GRIA3: variants seen among roughly 807,000 people sequenced by gnomAD.
The protein encoded by GRIA3 is glutamate receptor 3.
In GRIA3, 3 loss-of-function variants were observed where a neutral mutation model predicts 63.0. The ratio of observed to expected loss-of-function variants is 0.05; its 90% CI spans 0.02 to 0.12. The LOEUF (loss-of-function observed/expected upper bound fraction) is 0.12, where lower values mean the gene tolerates loss of function less well. Among genes scored for constraint, GRIA3 ranks in the 10% least tolerant of loss-of-function variants. The pLI is 1.00. For synonymous variants in GRIA3, 274 were observed against 257.9 expected (o/e 1.06, Z -0.60); for missense variants, 347 against 700.9 (o/e 0.50, Z 5.70).
intron 4 of GRIA3, among the ~76,000 whole-genome samples, chrX:123,351,339 C>T (rs2045092926): frequency 1.8e-5 from 2 of 111,674 alleles, no homozygotes; most frequent in Non-Finnish European, 3.8e-5. Context: ...AGGGAAAGAT[C>T]AAGAGCAAAA....
intron 2 of GRIA3, among the ~76,000 whole-genome samples, chrX:123,208,164 C>T (rs1254590666): frequency 8.9e-6 from 1 of 112,606 alleles, no homozygotes; most frequent in Non-Finnish European, 1.9e-5. Flanking sequence ...AGTCATTTCC[C>T]TTGCTAAACC....
At chrX:123,356,321 C>T (rs1191577687) in intron 5 of GRIA3, among the ~76,000 whole-genome samples, 1 of 108,764 alleles carries the variant, frequency 9.2e-6, no homozygotes, top group East Asian at 2.9e-4. Flanking sequence ...ATCTCTTTCC[C>T]CTTTCCTTCT....
intron 15 of GRIA3, among the ~76,000 whole-genome samples, chrX:123,484,762 C>T (rs755893475): frequency 4.3e-4 from 48 of 112,759 alleles, no homozygotes; most frequent in Non-Finnish European, 6.9e-4. Context: ...GGATTACAGG[C>T]GTGAGCCACC....
chrX:123,463,611 G>GGAGGGAAAGAAAGAAAGAAAGAAAGAAA (rs2045809428), intron 12 of GRIA3, among the ~76,000 whole-genome samples: 1 of 12,137 alleles, frequency 8.2e-5, no homozygotes, highest in Non-Finnish European at 1.3e-4. Flanking sequence ...AGGGAGGGAG[G>GGAGGGAAAGAAAGAAAGAAAGAAAGAAA]GAAAGAAAGA....
At chrX:123,318,186 A>C (rs989425055) in intron 3 of GRIA3, among the ~76,000 whole-genome samples, 2 of 111,869 alleles carry the variant, frequency 1.8e-5, no homozygotes, top group Non-Finnish European at 3.8e-5. Context: ...TGGCCCACAA[A>C]ACCACTTTTT....
intron 12 of GRIA3, among the ~76,000 whole-genome samples, chrX:123,445,035 C>T (rs1013014435): frequency 9.0e-6 from 1 of 111,700 alleles, no homozygotes; most frequent in African/African-American, 3.3e-5. Context: ...TCTACATCAG[C>T]AGTTGGGCAC....
intron 4 of GRIA3, among the ~76,000 whole-genome samples, chrX:123,350,595 T>G: frequency 8.9e-6 from 1 of 112,346 alleles, no homozygotes; most frequent in Middle Eastern, 4.6e-3. Context: ...ACCAAATGAA[T>G]ATTTTATGAA....
At chrX:123,296,226 C>T (rs2044684707) in intron 3 of GRIA3, among the ~76,000 whole-genome samples, 1 of 110,509 alleles carries the variant, frequency 9.0e-6, no homozygotes, top group Admixed American at 9.7e-5. Context: ...ACAACAAGGT[C>T]GATATAAAGG....
At chrX:123,207,483 C>T (rs764828134) in intron 2 of GRIA3, among the ~76,000 whole-genome samples, 7 of 111,427 alleles carry the variant, frequency 6.3e-5, no homozygotes, top group Non-Finnish European at 1.3e-4. Flanking sequence ...ACAGCCTGGC[C>T]CCAGAGCCTT....
chrX:123,472,684 A>G (rs2045869909), intron 13 of GRIA3, among the ~76,000 whole-genome samples: 1 of 111,390 alleles, frequency 9.0e-6, no homozygotes, highest in African/African-American at 3.3e-5. Flanking sequence ...GAAATACACA[A>G]CCTATGGAAT....
chrX:123,272,003 G>C (rs1418569587), intron 3 of GRIA3, among the ~76,000 whole-genome samples: 1 of 111,743 alleles, frequency 8.9e-6, no homozygotes, highest in Admixed American at 9.5e-5. Flanking sequence ...GAGAAGTTTA[G>C]AATACAAGCA....
At chrX:123,245,317 T>C (rs2044352044) in intron 2 of GRIA3, among the ~76,000 whole-genome samples, 2 of 111,400 alleles carry the variant, frequency 1.8e-5, no homozygotes, top group African/African-American at 6.5e-5. Context: ...GGTGAGGCTG[T>C]TTTATGGGCA....
intron 4 of GRIA3, among the ~76,000 whole-genome samples, chrX:123,343,338 A>C (rs2045021147): frequency 9.0e-6 from 1 of 110,791 alleles, no homozygotes; most frequent in Non-Finnish European, 1.9e-5. Context: ...TAGTCTAAAG[A>C]TCCTTCTTTT....
intron 5 of GRIA3, among the ~76,000 whole-genome samples, chrX:123,366,822 GAGA>G (rs1249355731): frequency 9.0e-6 from 1 of 111,526 alleles, no homozygotes; most frequent in African/African-American, 3.3e-5. Context: ...TTAGAGATAT[GAGA>G]AGGTTTAATT....
chrX:123,453,803 G>T (rs951377005), intron 12 of GRIA3, among the ~76,000 whole-genome samples: 3 of 111,137 alleles, frequency 2.7e-5, no homozygotes, highest in Non-Finnish European at 5.7e-5. Flanking sequence ...CACAGGATGG[G>T]GTGGGGAGGG....
chrX:123,295,741 T>C (rs1034282721), intron 3 of GRIA3, among the ~76,000 whole-genome samples: 1 of 111,045 alleles, frequency 9.0e-6, no homozygotes. Flanking sequence ...GAAACATCTA[T>C]TGTTTCTGAT....
intron 2 of GRIA3, among the ~76,000 whole-genome samples, chrX:123,198,945 G>C (rs1927648143): frequency 8.9e-6 from 1 of 111,920 alleles, no homozygotes. Flanking sequence ...CCTGCACTCA[G>C]ACTAGGAAAA....
chrX:123,280,447 G>T (rs1255708758), intron 3 of GRIA3, among the ~76,000 whole-genome samples: 3 of 111,819 alleles, frequency 2.7e-5, no homozygotes, highest in Non-Finnish European at 5.6e-5. Flanking sequence ...TAAAAATAAG[G>T]TAGCTGAGGA....
rs1161492129 is a variant in GRIA3 at position 123,218,441 on chromosome X, T to TTTTTG, written c.268+32466_268+32470dup. Reference sequence around the variant, plus strand: ...AAGAAAGCATCTAATGATGCTGATTTTTTTGTTTTGTTTTGTTTTTTGTTT... The same window carrying TTTTTG: ...AAGAAAGCATCTAATGATGCTGATTTTTTTGTTTTGTTTTGTTTTGTTTTTTGTTT... On this transcript the variant is annotated intron_variant, in intron 2 of 15. Transcript: ENST00000620443. Among the ~76,000 whole-genome samples, 3 of 111,738 alleles carry TTTTTG rather than the reference T, an allele frequency of 2.7e-5. No individual in the cohort carries two copies. The East Asian group carries it at 8.4e-4, about 31-fold the overall frequency.
Sources: allele counts gnomAD v4.1 joint callset (sites outside exome capture counted in the v4.1 genomes callset), GRCh38; gene constraint gnomAD v4.1.1; transcripts MANE v1.5; gene names NCBI Gene and HGNC (gene_info 2026-07-23, HGNC 2026-07-21).